DAB1: variants seen among roughly 807,000 people sequenced by gnomAD.
DAB1 encodes the protein disabled homolog 1.
In DAB1, 15 loss-of-function variants were observed where a neutral mutation model predicts 64.6. That is an observed-to-expected ratio of 0.23 (90% CI 0.16 to 0.36). The LOEUF is 0.36. Ranked by LOEUF, DAB1 falls within the 10% of genes least tolerant of loss-of-function variation. The pLI is 1.00. For missense variants in DAB1, 596 were observed against 706.7 expected, an observed-to-expected ratio of 0.84 and a Z score of 1.78; for synonymous variants, 235 against 251.9, an observed-to-expected ratio of 0.93 and a Z score of 0.64.
intron 2 of DAB1, among the ~76,000 whole-genome samples, chr1:57,151,321 G>T (rs565244608): frequency 1.3e-5 from 2 of 152,072 alleles, no homozygotes; most frequent in East Asian, 1.9e-4. Context: ...TACTATATAC[G>T]TGTTCTAAGG....
At chr1:57,228,164 A>T (rs1454780416) in intron 2 of DAB1, among the ~76,000 whole-genome samples, 1 of 152,224 alleles carries the variant, frequency 6.6e-6, no homozygotes, top group Non-Finnish European at 1.5e-5. Flanking sequence ...GGCATATGAT[A>T]TCTGCAACTT....
At chr1:57,338,692 A>G (rs1443208825) in intron 1 of DAB1, among the ~76,000 whole-genome samples, 1 of 152,176 alleles carries the variant, frequency 6.6e-6, no homozygotes. Flanking sequence ...ATAACTCTTC[A>G]TGCAATCATT....
intron 4 of DAB1, among the ~76,000 whole-genome samples, chr1:58,300,668 GGAAGGA>G (rs1662147287): frequency 7.5e-6 from 1 of 132,574 alleles, no homozygotes; most frequent in African/African-American, 3.0e-5. Context: ...AAGGAAGGAA[GGAAGGA>G]AGGAAGGAAG....
chr1:57,120,926 G>A (rs1238502720), intron 4 of DAB1, among the ~76,000 whole-genome samples: 1 of 152,114 alleles, frequency 6.6e-6, no homozygotes, highest in Non-Finnish European at 1.5e-5. Flanking sequence ...TGGCTGGTGT[G>A]TGGAAGGACA....
At chr1:57,156,072 T>C (rs949335864) in intron 2 of DAB1, among the ~76,000 whole-genome samples, 1 of 152,174 alleles carries the variant, frequency 6.6e-6, no homozygotes, top group Non-Finnish European at 1.5e-5. Flanking sequence ...CTTTAATGTG[T>C]AGCAGGGCTG....
chr1:57,683,674 C>G (rs1646663118), intron 6 of DAB1, among the ~76,000 whole-genome samples: 1 of 152,034 alleles, frequency 6.6e-6, no homozygotes, highest in African/African-American at 2.4e-5. Context: ...AGCGCTCTAC[C>G]AAGATGAAAA....
intron 6 of DAB1, among the ~76,000 whole-genome samples, chr1:57,716,711 A>G (rs1446896585): frequency 6.6e-6 from 1 of 152,234 alleles, no homozygotes; most frequent in Non-Finnish European, 1.5e-5. Flanking sequence ...AGCAAAGGCA[A>G]CAAAAGCAAT....
intron 4 of DAB1, among the ~76,000 whole-genome samples, chr1:58,244,353 G>A (rs953450710): frequency 6.6e-6 from 1 of 152,108 alleles, no homozygotes; most frequent in Admixed American, 6.5e-5. Flanking sequence ...AAGTAGTAAA[G>A]GGCACAGGCT....
At chr1:57,898,840 T>TTG (rs376695106) in intron 5 of DAB1, among the ~76,000 whole-genome samples, 3 of 151,904 alleles carry the variant, frequency 2.0e-5, no homozygotes, top group Non-Finnish European at 4.4e-5. Flanking sequence ...TGTATCTACA[T>TTG]TGTGTGTGTG....
At chr1:58,434,287 G>A (rs940080832) in intron 3 of DAB1, among the ~76,000 whole-genome samples, 1 of 152,160 alleles carries the variant, frequency 6.6e-6, no homozygotes, top group Non-Finnish European at 1.5e-5. Flanking sequence ...GATGATGCCT[G>A]AGACTACAGT....
intron 1 of DAB1, among the ~76,000 whole-genome samples, chr1:57,310,864 C>T (rs997731020): frequency 4.6e-5 from 7 of 152,064 alleles, no homozygotes; most frequent in African/African-American, 1.4e-4. Flanking sequence ...TGGGCATGGT[C>T]GCTTACTCCT....
At chr1:58,410,114 AT>A (rs957548332) in intron 3 of DAB1, among the ~76,000 whole-genome samples, 1 of 151,972 alleles carries the variant, frequency 6.6e-6, no homozygotes, top group African/African-American at 2.4e-5. Flanking sequence ...GAGTAATTGG[AT>A]TTTTTTCCTT....
chr1:57,233,441 G>A (rs1200280523), intron 2 of DAB1, among the ~76,000 whole-genome samples: 1 of 150,702 alleles, frequency 6.6e-6, no homozygotes, highest in African/African-American at 2.4e-5. Flanking sequence ...TTTTTGCTTT[G>A]CTCCGATTCT....
intron 7 of DAB1, among the ~76,000 whole-genome samples, chr1:57,532,947 T>C (rs1644682993): frequency 6.6e-6 from 1 of 152,180 alleles, no homozygotes; most frequent in African/African-American, 2.4e-5. Flanking sequence ...AGGCAATATC[T>C]ACCATTATCC....
chr1:57,992,089 A>C (rs150654385), intron 5 of DAB1, among the ~76,000 whole-genome samples: 85 of 152,272 alleles, frequency 5.6e-4, no homozygotes, highest in African/African-American at 1.9e-3. Flanking sequence ...ACCGACTATG[A>C]AACTAATACA....
At chr1:58,108,613 T>C (rs1651801575) in intron 5 of DAB1, among the ~76,000 whole-genome samples, 2 of 152,226 alleles carry the variant, frequency 1.3e-5, no homozygotes, top group African/African-American at 4.8e-5. Flanking sequence ...CCCGGGAATA[T>C]GCATTTGAGA....
intron 3 of DAB1, among the ~76,000 whole-genome samples, chr1:58,404,609 A>T (rs944213964): frequency 1.3e-5 from 2 of 151,986 alleles, no homozygotes; most frequent in Non-Finnish European, 2.9e-5. Context: ...GGAAAAGCCA[A>T]CCCCCTTTGA....
At chr1:58,118,039 G>C (rs928331997) in intron 5 of DAB1, among the ~76,000 whole-genome samples, 1 of 151,676 alleles carries the variant, frequency 6.6e-6, no homozygotes, top group African/African-American at 2.4e-5. Context: ...GAGTAGCTGG[G>C]ATCACAGACA....
chr1:58,129,269 TGGC>T (rs1271750823), intron 5 of DAB1, among the ~76,000 whole-genome samples: 3 of 151,646 alleles, frequency 2.0e-5, no homozygotes, highest in Non-Finnish European at 3.0e-5. Context: ...TATTCCCTGA[TGGC>T]AGTTTGTATT....
Sources: allele counts gnomAD v4.1 joint callset (sites outside exome capture counted in the v4.1 genomes callset), GRCh38; gene constraint gnomAD v4.1.1; transcripts MANE v1.5; gene names NCBI Gene and HGNC (gene_info 2026-07-23, HGNC 2026-07-21).